The following ZNF846 variants were observed in gnomAD, a reference collection of about 807,000 sequenced individuals.
ZNF846 encodes zinc finger protein 846, also known as zinc finger protein 420 pseudogene.
ZNF846 carries 15 observed loss-of-function variants against 16.0 expected under a neutral mutation model. The ratio of observed to expected loss-of-function variants is 0.94; its 90% CI spans 0.63 to 1.45. ZNF846 has a LOEUF of 1.45. Ranked by LOEUF, ZNF846 falls within the 40% of genes most tolerant of loss-of-function variation. The pLI, the probability that ZNF846 is intolerant of heterozygous loss-of-function variation, is 0.00. For missense variants in ZNF846, 714 were observed against 622.3 expected, an observed-to-expected ratio of 1.15 and a Z score of -1.57; for synonymous variants, 229 against 212.0, an observed-to-expected ratio of 1.08 and a Z score of -0.70.
intron 1 of ZNF846, among the ~76,000 whole-genome samples, chr19:9,777,487 C>T (rs1395357015): frequency 6.6e-6 from 1 of 151,246 alleles, no homozygotes; most frequent in Non-Finnish European, 1.5e-5. Flanking sequence ...CCTGGCCAAC[C>T]TGGTGAAATC....
At chr19:9,758,995 A>ATATTTATT (rs534658459) in intron 5 of ZNF846, among the ~76,000 whole-genome samples, 1 of 151,534 alleles carries the variant, frequency 6.6e-6, no homozygotes, top group African/African-American at 2.4e-5. Flanking sequence ...AATCTGTCTG[A>ATATTTATT]TATTTATTTA....
downstream of ZNF846, among the ~76,000 whole-genome samples, chr19:9,757,302 T>G (rs1303499935): frequency 6.6e-6 from 1 of 151,774 alleles, no homozygotes; most frequent in Non-Finnish European, 1.5e-5. Context: ...TTATAAGATG[T>G]GAAGAATTAC....
chr19:9,767,657 C>T (rs559076580), intron 1 of ZNF846, among the ~76,000 whole-genome samples: 61 of 152,132 alleles, frequency 4.0e-4, no homozygotes, highest in African/African-American at 1.4e-3. Flanking sequence ...AGGGGGAAGG[C>T]CAGGCGCGGT....
At chr19:9,771,187 TTTG>T (rs899676216), upstream of ZNF846, among the ~76,000 whole-genome samples, 8 of 152,158 alleles carry the variant, frequency 5.3e-5, no homozygotes, top group African/African-American at 1.9e-4. Flanking sequence ...TTTGTTTTGT[TTTG>T]TTTTTTCTTT....
chr19:9,755,328 T>A (rs1345699198), downstream of ZNF846, among the ~76,000 whole-genome samples: 1 of 151,638 alleles, frequency 6.6e-6, no homozygotes, highest in East Asian at 1.9e-4. Flanking sequence ...CAAGTCGTCA[T>A]GGACAGTAAG....
chr19:9,778,359 T>A (rs960779515), intron 1 of ZNF846, among the ~76,000 whole-genome samples: 4 of 152,212 alleles, frequency 2.6e-5, no homozygotes, highest in South Asian at 4.1e-4. Flanking sequence ...CCATGGATGA[T>A]GTCAAAGGCA....
chr19:9,781,452 C>T (rs2045500457), intron 1 of ZNF846, among the ~76,000 whole-genome samples: 1 of 152,100 alleles, frequency 6.6e-6, no homozygotes, highest in African/African-American at 2.4e-5. Context: ...CTTATCCCTC[C>T]CCTCCCAGCA....
intron 5 of ZNF846, among the ~76,000 whole-genome samples, chr19:9,759,251 G>A (rs1327243519): frequency 6.6e-6 from 1 of 151,784 alleles, no homozygotes; most frequent in Non-Finnish European, 1.5e-5. Flanking sequence ...GCCCGCTTTG[G>A]CCTCCCAAAG....
chr19:9,785,283 C>T (rs984684800), intron 1 of ZNF846, among the ~76,000 whole-genome samples: 27 of 150,762 alleles, frequency 1.8e-4, no homozygotes, highest in Non-Finnish European at 3.0e-4. Context: ...CTGCAACTTC[C>T]GCCTCCCAGG....
At position 9,779,917 on chromosome 19, in the gene ZNF846, C is replaced by T. The variant is rs541421535; in HGVS notation, c.-86+6021G>A. Among the ~76,000 whole-genome samples the T allele has an allele frequency of 7.1e-4, 107 of 151,638 alleles. 3 individuals carry two copies. Among genetic ancestry groups the T allele is most frequent in the African/African-American group, 2.5e-3 (103 of 41,330 alleles). The stretch of plus-strand genomic sequence containing the variant: ...TTTAGATAGGCTGTCACTCCTGTCA[C>T]TCAGGCTGGAGTGTAGTACAGTGAT... On this transcript the variant is annotated intron_variant, in intron 1 of 4. Coordinates refer to the ZNF846 transcript ENST00000586814.
downstream of ZNF846, chr19:9,757,468 G>A: frequency 1.3e-6 from 2 of 1,552,248 alleles, no homozygotes; most frequent in Non-Finnish European, 1.7e-6. Context: ...AAGATCTGAG[G>A]AACACTTCAG....
chr19:9,774,561 C>T (rs1461812310), intron 1 of ZNF846: 1 of 1,493,764 alleles, frequency 6.7e-7, no homozygotes, highest in Non-Finnish European at 9.3e-7. Flanking sequence ...TGAAAAACTT[C>T]CCGTAACATC....
chr19:9,757,881 C>T, exon 6 of ZNF846: 1 of 1,613,464 alleles, frequency 6.2e-7, no homozygotes, highest in Non-Finnish European at 8.5e-7. Context: ...GGCTTTCCCA[C>T]ATTCTTTACA....
intron 1 of ZNF846, among the ~76,000 whole-genome samples, chr19:9,784,692 GA>G (rs2045540684): frequency 6.6e-6 from 1 of 152,096 alleles, no homozygotes; most frequent in Non-Finnish European, 1.5e-5. Context: ...TCAGTGGGGG[GA>G]AACCTTGGAC....
chr19:9,763,003 C>T (rs2045253841), intron 3 of ZNF846, among the ~76,000 whole-genome samples: 1 of 151,902 alleles, frequency 6.6e-6, no homozygotes, highest in Non-Finnish European at 1.5e-5. Context: ...AATTAGATGG[C>T]CATGGTGGTG....
chr19:9,762,204 C>T (rs2045242140), intron 3 of ZNF846, 36 bp from the exon 4 acceptor site: 2 of 1,504,842 alleles, frequency 1.3e-6, no homozygotes, highest in South Asian at 1.1e-5. Context: ...GAGGCCCATG[C>T]AAGACATAAC....
chr19:9,758,162 AC>A lies in ZNF846; in HGVS notation c.914del (p.Ser305MetfsTer53). 6.2e-7 allele frequency: 1 copy of A among 1,613,246 alleles called. No homozygotes were observed. Among genetic ancestry groups the A allele is most frequent in the East Asian group, 2.2e-5 (1 of 44,868 alleles). On this transcript the variant is annotated frameshift_variant, in exon 6 of 6. Coordinates refer to ENST00000397902, the Ensembl canonical transcript of ZNF846. LOFTEE classifies it low-confidence loss of function (END_TRUNC). ...CCATACATACATAGGGCTTCTTTCC[AC>A]TGTGGATTCTTGTATGATCAGTAAG...
chr19:9,752,138 ACGT>A (rs1239462511), exon 6 of ZNF846: 4 of 153,180 alleles, frequency 2.6e-5, no homozygotes, highest in African/African-American at 9.6e-5. Context: ...AGACTAATAC[ACGT>A]GACTATTTCC....
intron 1 of ZNF846, among the ~76,000 whole-genome samples, chr19:9,783,109 G>T (rs1194690411): frequency 6.6e-6 from 1 of 150,476 alleles, no homozygotes; most frequent in East Asian, 2.0e-4. Flanking sequence ...TTTTTGTAAA[G>T]ATGGGTTTTT....
Sources: gnomAD v4.1 joint callset for allele counts (sites outside exome capture counted in the v4.1 genomes callset) on GRCh38, gnomAD v4.1.1 for gene constraint, MANE v1.5 for transcripts, NCBI Gene and HGNC (gene_info 2026-07-23, HGNC 2026-07-21) for gene names.